CSMD1: variants seen among roughly 807,000 people sequenced by gnomAD.
CSMD1 encodes CUB and Sushi multiple domains 1.
Under a neutral mutation model 417.5 loss-of-function variants are expected in CSMD1, and 213 were observed. The observed-to-expected ratio is 0.51, with a 90% CI of 0.46 to 0.57. The LOEUF is 0.57. Among genes scored for constraint, CSMD1 ranks in the 20% least tolerant of loss-of-function variants. CSMD1 has a pLI of 0.00. For synonymous variants in CSMD1, 2,862 were observed against 1,736.8 expected (o/e 1.65, Z -16.11); for missense variants, 6,923 against 4,529.7 (o/e 1.53, Z -15.17).
intron 3 of CSMD1, among the ~76,000 whole-genome samples, chr8:4,118,514 G>C (rs1252708914): frequency 1.3e-5 from 2 of 151,712 alleles, no homozygotes; most frequent in African/African-American, 2.4e-5. Flanking sequence ...CTGGTCACTA[G>C]AGAAATGCAA....
chr8:4,461,220 T>G (rs1026231039), intron 2 of CSMD1, among the ~76,000 whole-genome samples: 2 of 151,944 alleles, frequency 1.3e-5, no homozygotes, highest in East Asian at 3.9e-4. Flanking sequence ...TAACTAGCAA[T>G]GGGGAATTTC....
intron 1 of CSMD1, among the ~76,000 whole-genome samples, chr8:4,668,831 T>C (rs1037288853): frequency 1.3e-5 from 2 of 152,180 alleles, no homozygotes; most frequent in Non-Finnish European, 2.9e-5. Context: ...TCTCTATATC[T>C]GTTATCCTCT....
intron 2 of CSMD1, among the ~76,000 whole-genome samples, chr8:4,510,390 TAAAAAAAAAAA>T (rs34791623): frequency 1.4e-3 from 79 of 54,644 alleles, no homozygotes; most frequent in South Asian, 5.4e-3. Flanking sequence ...GCATAATGCC[TAAAAAAAAAAA>T]AAAAAAAAAA....
At chr8:4,948,512 G>C (rs945089641) in intron 1 of CSMD1, among the ~76,000 whole-genome samples, 1 of 151,876 alleles carries the variant, frequency 6.6e-6, no homozygotes, top group Non-Finnish European at 1.5e-5. Context: ...CTTCATTAAA[G>C]TTTCATAATC....
chr8:3,723,442 G>C (rs540650914), intron 6 of CSMD1, among the ~76,000 whole-genome samples: 4 of 152,148 alleles, frequency 2.6e-5, no homozygotes, highest in African/African-American at 7.2e-5. Context: ...CATTATCCAA[G>C]AGCATAGATC....
chr8:3,878,483 A>G (rs1472797204), intron 5 of CSMD1, among the ~76,000 whole-genome samples: 3 of 152,196 alleles, frequency 2.0e-5, no homozygotes, highest in Non-Finnish European at 4.4e-5. Context: ...AATATTAACT[A>G]AGTAGAACAC....
intron 3 of CSMD1, among the ~76,000 whole-genome samples, chr8:4,234,039 C>T (rs1325338207): frequency 6.6e-6 from 1 of 152,076 alleles, no homozygotes; most frequent in African/African-American, 2.4e-5. Flanking sequence ...AGTCTACCAT[C>T]AGCCAGTGAA....
At chr8:4,665,905 T>C (rs1011866565) in intron 1 of CSMD1, among the ~76,000 whole-genome samples, 10 of 152,206 alleles carry the variant, frequency 6.6e-5, no homozygotes, top group Non-Finnish European at 4.4e-5. Flanking sequence ...AGTAGGTATA[T>C]ATTTTACTTT....
intron 3 of CSMD1, among the ~76,000 whole-genome samples, chr8:4,070,757 G>A (rs111593411): frequency 6.6e-5 from 10 of 152,072 alleles, no homozygotes; most frequent in Non-Finnish European, 1.2e-4. Flanking sequence ...CCTCCACCAC[G>A]AGCCTGTCAC....
At chr8:3,850,446 G>C (rs1014992752) in intron 5 of CSMD1, among the ~76,000 whole-genome samples, 1 of 152,152 alleles carries the variant, frequency 6.6e-6, no homozygotes, top group South Asian at 2.1e-4. Context: ...TTTAATTCCA[G>C]CATTTTGGAA....
chr8:4,234,498 T>A (rs952303667), intron 3 of CSMD1, among the ~76,000 whole-genome samples: 1 of 152,148 alleles, frequency 6.6e-6, no homozygotes, highest in African/African-American at 2.4e-5. Context: ...GAGGTCTGAA[T>A]TCAGCAGTCT....
At chr8:3,676,464 T>C (rs1404076056) in intron 7 of CSMD1, among the ~76,000 whole-genome samples, 3 of 152,222 alleles carry the variant, frequency 2.0e-5, no homozygotes, top group Admixed American at 6.5e-5. Flanking sequence ...AATTATTACA[T>C]GTTATATTGT....
At chr8:4,287,750 C>T (rs1797142356) in intron 3 of CSMD1, among the ~76,000 whole-genome samples, 1 of 151,712 alleles carries the variant, frequency 6.6e-6, no homozygotes, top group Non-Finnish European at 1.5e-5. Context: ...CAAATAGCCA[C>T]TGAAAGTGGA....
Position 2,949,295 on chromosome 8 carries a change from T to C in CSMD1, c.10402+4A>G. 3 of 1,542,816 alleles carry C rather than the reference T, an allele frequency of 1.9e-6. No individual in the cohort carries two copies. The highest frequency in any genetic ancestry group is 2.7e-6 in the Non-Finnish European group (3 of 1,119,816). On this transcript the variant is annotated splice_donor_region_variant and intron_variant, in intron 68 of 69. Coordinates refer to ENST00000635120, the MANE Select transcript of CSMD1 (RefSeq NM_033225.6). ...CTTTAAAATATATCCTAAGTGCAAC[T>C]TACCTTGCCTTTCTAGCTTAAATTT...
chr8:3,263,040 T>G (rs1199276315), intron 26 of CSMD1, among the ~76,000 whole-genome samples: 1 of 152,230 alleles, frequency 6.6e-6, no homozygotes, highest in East Asian at 1.9e-4. Context: ...ATTCTCATTT[T>G]TGAATTCATA....
chr8:4,025,947 C>G (rs1797043036), intron 4 of CSMD1, among the ~76,000 whole-genome samples: 1 of 150,724 alleles, frequency 6.6e-6, no homozygotes, highest in South Asian at 2.1e-4. Context: ...AAATTATAAA[C>G]TTTTATAACC....
chr8:4,171,412 T>A (rs1039713398), intron 3 of CSMD1, among the ~76,000 whole-genome samples: 1 of 151,962 alleles, frequency 6.6e-6, no homozygotes. Flanking sequence ...TTGACCCTAT[T>A]AATTACTTTG....
intron 5 of CSMD1, among the ~76,000 whole-genome samples, chr8:3,764,011 C>T (rs2066399380): frequency 6.6e-6 from 1 of 152,152 alleles, no homozygotes; most frequent in Non-Finnish European, 1.5e-5. Context: ...TGAAGCTCCT[C>T]AGCAGGTGTT....
intron 1 of CSMD1, among the ~76,000 whole-genome samples, chr8:4,976,366 C>G (rs1810560586): frequency 6.6e-6 from 1 of 152,140 alleles, no homozygotes; most frequent in Non-Finnish European, 1.5e-5. Context: ...ACATAATTAT[C>G]TTATCTATTT....
Sources: gnomAD v4.1 joint callset for allele counts (sites outside exome capture counted in the v4.1 genomes callset) on GRCh38, gnomAD v4.1.1 for gene constraint, MANE v1.5 for transcripts, NCBI Gene and HGNC (gene_info 2026-07-23, HGNC 2026-07-21) for gene names.